Variants in SND1 observed in about 807,000 individuals in gnomAD.
The protein encoded by SND1 is staphylococcal nuclease domain-containing protein 1.
A neutral mutation model predicts 121.7 loss-of-function variants in SND1; 38 were observed. The observed-to-expected ratio is 0.31, with a 90% CI of 0.24 to 0.41. The LOEUF is 0.41. SND1 is among the 10% of genes least tolerant of loss of function. The pLI is 1.00. For synonymous variants in SND1, 401 were observed against 447.4 expected (o/e 0.90, Z 1.31); for missense variants, 868 against 1,184.6 (o/e 0.73, Z 3.92).
Position 128,031,279 on chromosome 7 carries a change from T to G in SND1, c.1779+40223T>G, listed in dbSNP as rs1192825600. Among the ~76,000 whole-genome samples, 4 of 145,078 alleles carry G rather than the reference T, an allele frequency of 2.8e-5. No homozygotes were observed. The South Asian group carries it at 1.0e-3, about 36-fold the overall frequency. ...CGCTCCAGCCGCGGGGGAAGGCGCT[T>G]CATCGCCAAAGTGCGCTCCGGCGGC... On this transcript the variant is annotated intron_variant, in intron 16 of 23. Coordinates refer to ENST00000354725, the MANE Select transcript of SND1 (RefSeq NM_014390.4).
intron 16 of SND1, among the ~76,000 whole-genome samples, chr7:128,034,823 AC>A (rs948324856): frequency 2.0e-5 from 3 of 152,232 alleles, no homozygotes; most frequent in African/African-American, 7.2e-5. Flanking sequence ...GTCGTTGCAC[AC>A]AGCCCTTCTG....
At chr7:127,948,068 A>G (rs918598620) in intron 15 of SND1, among the ~76,000 whole-genome samples, 2 of 152,206 alleles carry the variant, frequency 1.3e-5, no homozygotes, top group East Asian at 3.8e-4. Flanking sequence ...AGGGGAATAA[A>G]ATAGGCGAAA....
chr7:127,882,420 G>GGAGAGGA (rs148281950), intron 12 of SND1, among the ~76,000 whole-genome samples: 23,937 of 118,378 alleles, frequency 0.2, 3,298 homozygotes, highest in Middle Eastern at 0.27. Flanking sequence ...GGAGAAAAGA[G>GGAGAGGA]GAGAGGAGGG....
intron 12 of SND1, among the ~76,000 whole-genome samples, chr7:127,852,678 G>A (rs1178490874): frequency 2.0e-5 from 3 of 151,884 alleles, no homozygotes; most frequent in Non-Finnish European, 4.4e-5. Context: ...GGGTGTGGTG[G>A]CGCACGCCTA....
chr7:128,017,693 G>C lies in SND1; in HGVS notation c.1779+26637G>C, dbSNP rs186564347. On this transcript the variant is annotated intron_variant, in intron 16 of 23. Coordinates refer to ENST00000354725, the MANE Select transcript of SND1 (RefSeq NM_014390.4). ...TCCAGCAGCAGCACCACTCGGGGAGGGGGGGCAAACTCTTTACCCTTGTGG... is the reference window on the plus strand; with the variant it reads ...TCCAGCAGCAGCACCACTCGGGGAGCGGGGGCAAACTCTTTACCCTTGTGG... Among the ~76,000 whole-genome samples the C allele has an allele frequency of 7.7e-4, 117 of 152,306 alleles. 1 individual carries two copies. Among genetic ancestry groups the C allele is most frequent in the African/African-American group, 2.5e-3 (104 of 41,568 alleles).
intron 13 of SND1, among the ~76,000 whole-genome samples, chr7:127,889,710 CTG>C (rs1799975905): frequency 1.3e-5 from 2 of 151,934 alleles, no homozygotes. Context: ...CCTCTCTACT[CTG>C]TGTTTCCATG....
At chr7:127,702,377 G>T (rs1379277548) in intron 5 of SND1, 58 bp from the exon 6 acceptor site, 1 of 1,490,520 alleles carries the variant, frequency 6.7e-7, no homozygotes, top group East Asian at 2.3e-5. Flanking sequence ...TGATTGGGCA[G>T]TGTTTATCCT....
chr7:127,886,199 C>G (rs1014415075), intron 12 of SND1, among the ~76,000 whole-genome samples: 3 of 151,948 alleles, frequency 2.0e-5, no homozygotes, highest in Non-Finnish European at 4.4e-5. Flanking sequence ...GATATTAATA[C>G]CGTGCTGGCA....
intron 16 of SND1, among the ~76,000 whole-genome samples, chr7:128,043,863 TACAC>T (rs10591985): frequency 0.12 from 18,036 of 149,448 alleles, 1,264 homozygotes; most frequent in Admixed American, 0.22. Flanking sequence ...TATACACATA[TACAC>T]ACACACACAC....
chr7:127,842,642 A>C (rs907098623), intron 11 of SND1, among the ~76,000 whole-genome samples: 5 of 151,990 alleles, frequency 3.3e-5, no homozygotes, highest in African/African-American at 1.2e-4. Flanking sequence ...GCATCTTTGT[A>C]ATTGTTATCT....
intron 10 of SND1, among the ~76,000 whole-genome samples, chr7:127,722,752 A>G (rs1212762422): frequency 6.6e-6 from 1 of 152,218 alleles, no homozygotes; most frequent in Non-Finnish European, 1.5e-5. Context: ...CAGATCATAC[A>G]TAAAAACCAC....
intron 12 of SND1, among the ~76,000 whole-genome samples, chr7:127,854,602 G>A (rs1684902661): frequency 6.6e-6 from 1 of 151,290 alleles, no homozygotes; most frequent in Non-Finnish European, 1.5e-5. Context: ...GCCATGATGT[G>A]ATAAGGAGAA....
chr7:127,766,844 C>CA, intron 10 of SND1, among the ~76,000 whole-genome samples: 1 of 145,326 alleles, frequency 6.9e-6, no homozygotes, highest in Middle Eastern at 4.0e-3. Flanking sequence ...TTGCTATTGC[C>CA]AAAATTTGGT....
At chr7:127,985,793 G>A (rs563325657) in intron 15 of SND1, among the ~76,000 whole-genome samples, 10 of 152,338 alleles carry the variant, frequency 6.6e-5, no homozygotes, top group African/African-American at 2.2e-4. Flanking sequence ...TGCTAGATGA[G>A]CTGGTGGATT....
At chr7:128,047,511 A>G (rs1186768394) in intron 16 of SND1, among the ~76,000 whole-genome samples, 4 of 152,272 alleles carry the variant, frequency 2.6e-5, no homozygotes, top group Non-Finnish European at 5.9e-5. Flanking sequence ...GAAAAATACC[A>G]CTTACCATAA....
At chr7:127,858,951 A>C (rs905349999) in intron 12 of SND1, among the ~76,000 whole-genome samples, 4 of 152,194 alleles carry the variant, frequency 2.6e-5, no homozygotes, top group African/African-American at 9.7e-5. Context: ...TTGTTTATGT[A>C]TACCTGCATT....
At chr7:127,986,623 A>G (rs984322477) in intron 15 of SND1, among the ~76,000 whole-genome samples, 1 of 152,156 alleles carries the variant, frequency 6.6e-6, no homozygotes, top group African/African-American at 2.4e-5. Flanking sequence ...TTTTGTTTCA[A>G]ATAGCCATGG....
intron 10 of SND1, among the ~76,000 whole-genome samples, chr7:127,756,247 C>T (rs187728817): frequency 1.4e-4 from 21 of 152,082 alleles, no homozygotes; most frequent in Non-Finnish European, 2.6e-4. Flanking sequence ...CAGTTTGCGG[C>T]CTTTGATCTG....
chr7:127,909,157 A>C (rs1249104041), intron 14 of SND1, among the ~76,000 whole-genome samples: 2 of 152,230 alleles, frequency 1.3e-5, no homozygotes, highest in Non-Finnish European at 2.9e-5. Flanking sequence ...TTGATGGTAC[A>C]AGAAGATAGC....
Sources: allele counts gnomAD v4.1 joint callset (sites outside exome capture counted in the v4.1 genomes callset), GRCh38; gene constraint gnomAD v4.1.1; transcripts MANE v1.5; gene names NCBI Gene and HGNC (gene_info 2026-07-23, HGNC 2026-07-21).